MYO18A: variants seen among roughly 807,000 people sequenced by gnomAD.
The protein encoded by MYO18A is myosin XVIIIA.
Under a neutral mutation model 235.8 loss-of-function variants are expected in MYO18A, and 78 were observed. The ratio of observed to expected loss-of-function variants is 0.33; its 90% confidence interval spans 0.28 to 0.40. The LOEUF (loss-of-function observed/expected upper bound fraction) is 0.40, where lower values mean the gene tolerates loss of function less well. Ranked by LOEUF, MYO18A falls within the 10% of genes least tolerant of loss-of-function variation. The pLI is 1.00. For missense variants in MYO18A, 2,215 were observed against 2,699.3 expected (o/e 0.82, Z 3.98); for synonymous variants, 977 against 1,077.8 (o/e 0.91, Z 1.83).
intron 41 of MYO18A, chr17:29,079,593 G>T: frequency 1.8e-6 from 1 of 546,950 alleles, no homozygotes. Flanking sequence ...AAGGCAGCCA[G>T]GAGGCTCTCC....
intron 2 of MYO18A, among the ~76,000 whole-genome samples, chr17:29,136,852 T>C (rs1428986402): frequency 1.3e-5 from 2 of 152,234 alleles, no homozygotes; most frequent in Admixed American, 1.3e-4. Flanking sequence ...AAAGCATGGA[T>C]TGATAGTGTG....
chr17:29,158,815 C>A lies in MYO18A; in HGVS notation c.999+7127G>T, dbSNP rs753156432. 6.6e-6 allele frequency among the ~76,000 whole-genome samples: 1 copy of A among 152,210 alleles called. No individual in the cohort carries two copies. Among genetic ancestry groups the A allele is most frequent in the Non-Finnish European group, 1.5e-5 (1 of 68,040 alleles). On this transcript the variant is annotated intron_variant, in intron 2 of 41. Transcript: ENST00000527372. This position sits in a 1 kb window ranked among gnomAD's most constrained non-coding sequence, Gnocchi z 4.3. The stretch of plus-strand genomic sequence containing the variant: ...TACTTGTGTTCCCACCCGCCACACA[C>A]TCCCCTTCACCCTACTCCCCACTCA...
At chr17:29,128,282 C>T (rs767077735) in intron 2 of MYO18A, 98 of 1,185,992 alleles carry the variant, frequency 8.3e-5, no homozygotes, top group Admixed American at 2.3e-4. Context: ...CTTGACTCCT[C>T]TGCCTGGGGT....
intron 26 of MYO18A, among the ~76,000 whole-genome samples, 157 bp downstream of exon 26, chr17:29,097,631 C>T (rs1379448053): frequency 1.3e-5 from 2 of 152,246 alleles, no homozygotes; most frequent in African/African-American, 2.4e-5. Flanking sequence ...ACCTAACAAT[C>T]CCCTGCATTT....
intron 39 of MYO18A, among the ~76,000 whole-genome samples, chr17:29,086,220 G>A (rs1211237345): frequency 1.3e-5 from 2 of 152,230 alleles, no homozygotes; most frequent in Non-Finnish European, 2.9e-5. Flanking sequence ...GTCGTGGAGA[G>A]GGGAGACTGG....
At chr17:29,090,492 C>G (rs1453974768) in intron 36 of MYO18A, 40 bp downstream of exon 36, 1 of 1,538,284 alleles carries the variant, frequency 6.5e-7, no homozygotes, top group Admixed American at 1.9e-5. Flanking sequence ...CCTAGTGACC[C>G]TGGCACTCTC....
intron 2 of MYO18A, among the ~76,000 whole-genome samples, chr17:29,123,277 A>G (rs2043719070): frequency 1.3e-5 from 2 of 152,050 alleles, no homozygotes; most frequent in African/African-American, 2.4e-5. Flanking sequence ...AAATGGCAGC[A>G]AGGTCATCCC....
At chr17:29,149,918 T>C (rs959749931) in intron 2 of MYO18A, among the ~76,000 whole-genome samples, 1 of 152,186 alleles carries the variant, frequency 6.6e-6, no homozygotes, top group African/African-American at 2.4e-5. Flanking sequence ...CCCCCTCTGG[T>C]AGACAGGAGG....
intron 39 of MYO18A, among the ~76,000 whole-genome samples, chr17:29,085,904 C>A (rs926707825): frequency 6.6e-6 from 1 of 152,208 alleles, no homozygotes; most frequent in Non-Finnish European, 1.5e-5. Flanking sequence ...GGATGGGCCC[C>A]AGCCCTAAGG....
Position 29,120,498 on chromosome 17 carries a change from G to T in MYO18A, c.1728+118C>A. On this transcript the variant is annotated intron_variant, in intron 7 of 41. Transcript: ENST00000527372. This position sits in a 1 kb window ranked among gnomAD's most constrained non-coding sequence, Gnocchi z 4.2. ...GCAGGCCAACCCTGCCCATGCCTGGGTCAATTTTGTTAGGGTAGAATCCCA... is the reference window on the plus strand; with the variant it reads ...GCAGGCCAACCCTGCCCATGCCTGGTTCAATTTTGTTAGGGTAGAATCCCA... 7.3e-7 allele frequency: 1 copy of T among 1,361,168 alleles called. No individual in the cohort carries two copies. Among genetic ancestry groups the T allele is most frequent in the Non-Finnish European group, 9.9e-7 (1 of 1,006,818 alleles). 84.3% of individuals were successfully genotyped at this position (1,361,168 alleles called of 1,614,324 possible). A position where few individuals can be genotyped will look rare whatever the true frequency, so the allele number is the denominator to read the frequency against.
At position 29,086,566 on chromosome 17, in the gene MYO18A, T is replaced by C; in HGVS notation, c.5724A>G (p.Leu1908=). 1 of 1,613,378 alleles carries C rather than the reference T, an allele frequency of 6.2e-7. No homozygotes were observed. The highest frequency in any genetic ancestry group is 8.5e-7 in the Non-Finnish European group (1 of 1,179,674). The change falls in exon 39 of 42, where the codon CTA becomes CTG. Residue 1908 remains leucine (L), a synonymous_variant. Coordinates refer to ENST00000527372, the MANE Select transcript of MYO18A (RefSeq NM_078471.4). The stretch of plus-strand genomic sequence containing the variant: ...TCTGGTTAGCAGCCTCCAGGCTTTC[T>C]AGATCCATCTCCTAGGAGGAAGGGG... ...SRKKHELEMD[L]ESLEAANQSL... is the part of the protein sequence containing the mutation.
intron 2 of MYO18A, among the ~76,000 whole-genome samples, chr17:29,127,464 G>A (rs1005505880): frequency 1.1e-4 from 16 of 152,360 alleles, no homozygotes; most frequent in African/African-American, 3.8e-4. Flanking sequence ...ATGAGTGGCT[G>A]GGAATGCAAG....
intron 34 of MYO18A, 38 bp downstream of exon 34, chr17:29,092,305 G>GC (rs1490229778): frequency 2.0e-6 from 3 of 1,512,466 alleles, no homozygotes; most frequent in Non-Finnish European, 1.8e-6. Flanking sequence ...TTCTGCCTCA[G>GC]CCCCCCGAGC....
intron 22 of MYO18A, 49 bp downstream of exon 22, chr17:29,099,585 C>A: frequency 1.3e-6 from 2 of 1,589,400 alleles, no homozygotes; most frequent in South Asian, 1.1e-5. Flanking sequence ...AGGAACTTGG[C>A]TGTGCCCATC....
At chr17:29,093,196 G>T in intron 32 of MYO18A, 127 bp downstream of exon 32, 2 of 1,084,244 alleles carry the variant, frequency 1.8e-6, no homozygotes, top group Non-Finnish European at 2.7e-6. Context: ...AAGGGATGAC[G>T]ATGGGCTCTT....
At chr17:29,080,593 G>A in intron 41 of MYO18A, 1 of 985,766 alleles carries the variant, frequency 1.0e-6, no homozygotes, top group Non-Finnish European at 1.2e-6. Context: ...GGGCGAGCCC[G>A]ACAGCGAGAA....
At chr17:29,087,512 C>G (rs968192836) in intron 37 of MYO18A, among the ~76,000 whole-genome samples, 2 of 152,058 alleles carry the variant, frequency 1.3e-5, no homozygotes, top group African/African-American at 4.8e-5. Flanking sequence ...CCCAGAAGCC[C>G]CAAAAGCTAG....
chr17:29,136,248 A>AT (rs1207210720), intron 2 of MYO18A, among the ~76,000 whole-genome samples: 4,341 of 73,424 alleles, frequency 0.059, 59 homozygotes, highest in Non-Finnish European at 0.094. Context: ...AAAAAAAAAA[A>AT]AAATATATAT....
At chr17:29,077,639 T>G (rs1241641444) in intron 41 of MYO18A, 1 of 152,274 alleles carries the variant, frequency 6.6e-6, no homozygotes, top group Admixed American at 6.5e-5. Flanking sequence ...GTGAATCCAA[T>G]CCTCCTTGGA....
Sources: gnomAD v4.1 joint callset for allele counts (sites outside exome capture counted in the v4.1 genomes callset) on GRCh38, gnomAD v4.1.1 for gene constraint, Gnocchi (gnomAD v3.1) non-coding constraint, MANE v1.5 for transcripts, NCBI Gene and HGNC (gene_info 2026-07-23, HGNC 2026-07-21) for gene names.